Variants in NBEA observed in about 807,000 individuals in gnomAD.
NBEA encodes the protein lysosomal-trafficking regulator 2.
Under a neutral mutation model 343.4 loss-of-function variants are expected in NBEA, and 44 were observed. That is an observed-to-expected ratio of 0.13 (90% CI 0.10 to 0.16). NBEA has a LOEUF of 0.16. NBEA is among the 10% of genes least tolerant of loss of function. NBEA has a pLI of 1.00. For synonymous variants in NBEA, 1,175 were observed against 1,238.7 expected, an observed-to-expected ratio of 0.95 and a Z score of 1.08; for missense variants, 2,555 against 3,631.3, an observed-to-expected ratio of 0.70 and a Z score of 7.62.
chr13:35,132,658 A>G (rs1482250688), intron 17 of NBEA, among the ~76,000 whole-genome samples: 3 of 152,216 alleles, frequency 2.0e-5, no homozygotes, highest in African/African-American at 4.8e-5. Context: ...TGCAAAAACT[A>G]TATACTATAT....
chr13:35,096,290 A>G (rs187161827), intron 10 of NBEA, among the ~76,000 whole-genome samples: 1 of 151,344 alleles, frequency 6.6e-6, no homozygotes, highest in Admixed American at 6.6e-5. Context: ...TGCATTTGAC[A>G]TTTCAATTGG....
chr13:34,965,958 T>C (rs1291148031), intron 1 of NBEA, among the ~76,000 whole-genome samples: 3 of 152,076 alleles, frequency 2.0e-5, no homozygotes, highest in Non-Finnish European at 2.9e-5. Context: ...TTTGATTTAA[T>C]ATTAGTAGGA....
chr13:35,022,295 A>C (rs1205727255), intron 1 of NBEA, among the ~76,000 whole-genome samples: 6 of 152,102 alleles, frequency 3.9e-5, no homozygotes, highest in Admixed American at 3.3e-4. Flanking sequence ...ATTTTCAAGT[A>C]GGCACTTTAT....
chr13:35,660,022 C>T (rs1327967504), intron 55 of NBEA, among the ~76,000 whole-genome samples: 1 of 152,170 alleles, frequency 6.6e-6, no homozygotes, highest in Non-Finnish European at 1.5e-5. Context: ...TGGACTTGGC[C>T]GCTTATCCTC....
At chr13:35,127,661 A>G (rs2067200316) in intron 17 of NBEA, among the ~76,000 whole-genome samples, 1 of 152,180 alleles carries the variant, frequency 6.6e-6, no homozygotes, top group Non-Finnish European at 1.5e-5. Flanking sequence ...AAAAATTAAG[A>G]GTAAATATGC....
chr13:35,520,181 T>A (rs2077644128), intron 41 of NBEA, among the ~76,000 whole-genome samples: 1 of 152,178 alleles, frequency 6.6e-6, no homozygotes, highest in Non-Finnish European at 1.5e-5. Context: ...ATGGCTCACC[T>A]CCTGCTGTAA....
At chr13:35,576,644 C>T (rs2080754117) in intron 45 of NBEA, among the ~76,000 whole-genome samples, 1 of 152,144 alleles carries the variant, frequency 6.6e-6, no homozygotes, top group Admixed American at 6.5e-5. Flanking sequence ...TCCACATTCT[C>T]ACTGCCCAGA....
intron 48 of NBEA, among the ~76,000 whole-genome samples, chr13:35,609,731 C>T (rs895412298): frequency 6.6e-6 from 1 of 152,104 alleles, no homozygotes; most frequent in African/African-American, 2.4e-5. Context: ...CCTTATCTTG[C>T]GTTACCAATA....
rs556784232 is a variant in NBEA at position 35,147,571 on chromosome 13, C to T, written c.2445+5194C>T. Among the ~76,000 whole-genome samples the T allele has an allele frequency of 2.0e-5, 3 of 152,174 alleles. No individual in the cohort carries two copies. In the South Asian group the frequency reaches 6.2e-4, roughly 32 times the overall value. On this transcript the variant is annotated intron_variant, in intron 18 of 58. Transcript: ENST00000379939. ...AGGCGGACTAGTAGGAGTCTGGGTG[C>T]TGGAGACAGTGGAACTAGGAGAAGA...
chr13:35,247,107 A>G (rs1027235833), intron 34 of NBEA, among the ~76,000 whole-genome samples: 1 of 152,088 alleles, frequency 6.6e-6, no homozygotes, highest in African/African-American at 2.4e-5. Context: ...TTCCCACTCA[A>G]CCCAGATGGC....
intron 49 of NBEA, among the ~76,000 whole-genome samples, chr13:35,644,187 A>G (rs1047629935): frequency 2.0e-5 from 3 of 152,212 alleles, no homozygotes; most frequent in African/African-American, 7.2e-5. Context: ...GGGAGTCAGT[A>G]TAGTCTCAAA....
intron 1 of NBEA, among the ~76,000 whole-genome samples, chr13:35,033,944 C>A (rs151315009): frequency 8.6e-5 from 13 of 151,318 alleles, no homozygotes; most frequent in South Asian, 4.2e-4. Flanking sequence ...TTCTATCATC[C>A]GCAAACAAGG....
chr13:35,130,251 G>T (rs1263324307), intron 17 of NBEA, among the ~76,000 whole-genome samples: 1 of 151,964 alleles, frequency 6.6e-6, no homozygotes, highest in African/African-American at 2.4e-5. Flanking sequence ...AAAAGAGAAG[G>T]GTAAAGTGGT....
chr13:35,533,159 A>ACTT (rs1243025447), intron 41 of NBEA, among the ~76,000 whole-genome samples: 1 of 152,102 alleles, frequency 6.6e-6, no homozygotes, highest in Non-Finnish European at 1.5e-5. Context: ...GTATTAGCAA[A>ACTT]CTTTTGGATT....
chr13:35,304,528 A>G (rs1015472621), intron 35 of NBEA, among the ~76,000 whole-genome samples: 1 of 152,090 alleles, frequency 6.6e-6, no homozygotes, highest in East Asian at 1.9e-4. Context: ...TAATTTTTGT[A>G]TGACAAAAGC....
chr13:35,254,383 G>A (rs2032341208), intron 34 of NBEA, among the ~76,000 whole-genome samples: 1 of 148,482 alleles, frequency 6.7e-6, no homozygotes, highest in Admixed American at 6.7e-5. Context: ...GAGTGCAGTG[G>A]CATGATCACA....
intron 11 of NBEA, 39 bp from the exon 12 acceptor site, chr13:35,109,251 C>G: frequency 6.6e-7 from 1 of 1,512,464 alleles, no homozygotes; most frequent in South Asian, 1.3e-5. Context: ...ATTTGATATT[C>G]TGGATGTTTC....
chr13:35,506,197 G>A (rs2077066301), intron 41 of NBEA, among the ~76,000 whole-genome samples: 1 of 152,058 alleles, frequency 6.6e-6, no homozygotes, highest in African/African-American at 2.4e-5. Flanking sequence ...AGAGTAGCTG[G>A]GACTACAGGC....
At chr13:35,572,121 C>G (rs1230059491) in intron 45 of NBEA, among the ~76,000 whole-genome samples, 1 of 152,142 alleles carries the variant, frequency 6.6e-6, no homozygotes, top group African/African-American at 2.4e-5. Context: ...CACCAACCAA[C>G]AGTAGGTTTA....
Sources: gnomAD v4.1 joint callset for allele counts (sites outside exome capture counted in the v4.1 genomes callset) on GRCh38, gnomAD v4.1.1 for gene constraint, MANE v1.5 for transcripts, NCBI Gene and HGNC (gene_info 2026-07-23, HGNC 2026-07-21) for gene names.